Variants in BAD observed in about 807,000 individuals in gnomAD.
The protein encoded by BAD is bcl2-associated agonist of cell death.
BAD carries 18 observed loss-of-function variants against 17.8 expected under a neutral mutation model. The ratio of observed to expected loss-of-function variants is 1.01; its 90% CI spans 0.70 to 1.50. BAD has a LOEUF of 1.50. Among genes scored for constraint, BAD ranks in the 40% most tolerant of loss-of-function variants. BAD has a pLI of 0.00. For missense variants in BAD, 294 were observed against 239.3 expected (o/e 1.23, Z -1.51); for synonymous variants, 112 against 91.5 (o/e 1.22, Z -1.28).
intron 2 of BAD, among the ~76,000 whole-genome samples, chr11:64,282,889 A>G (rs1358807811): frequency 6.7e-6 from 1 of 149,624 alleles, no homozygotes; most frequent in East Asian, 1.9e-4. Context: ...AGGAAAAAAA[A>G]AAAAAAAAAA....
intron 2 of BAD, among the ~76,000 whole-genome samples, chr11:64,279,034 G>A (rs1330538773): frequency 6.6e-6 from 1 of 152,114 alleles, no homozygotes; most frequent in Non-Finnish European, 1.5e-5. Flanking sequence ...AGCTGGGGCT[G>A]GGGGGAGGTG....
chr11:64,284,673 C>G, upstream of BAD: 1 of 1,535,406 alleles, frequency 6.5e-7, no homozygotes, highest in Middle Eastern at 1.7e-4. Flanking sequence ...CCTGCCGCCT[C>G]CCTCCAGCAC....
chr11:64,282,617 G>A (rs898264985), intron 2 of BAD, among the ~76,000 whole-genome samples: 2 of 152,090 alleles, frequency 1.3e-5, no homozygotes, highest in African/African-American at 2.4e-5. Flanking sequence ...GGTGGCTCAC[G>A]CCTGTAATCC....
chr11:64,277,147 G>C lies in BAD; in HGVS notation c.188-5344C>G, dbSNP rs2033129393. 6.6e-6 allele frequency: 4 copies of C among 606,178 alleles called. No individual in the cohort carries two copies. The Admixed American group carries it at 1.0e-4, about 16-fold the overall frequency. The allele number at this position is 606,178 out of a possible 1,614,324, so 37.5% of individuals were successfully genotyped here. On this transcript the variant is annotated intron_variant, in intron 2 of 3. Coordinates refer to ENST00000309032, the MANE Select transcript of BAD (RefSeq NM_032989.3). ...GTGGTGTTCCAGACCGTTTGGAGCA[G>C]TGAAGCTCTGCCATCAGGCAAGGGC...
At chr11:64,283,991 G>A (rs2033660922) in intron 2 of BAD, among the ~76,000 whole-genome samples, 191 bp downstream of exon 2, 1 of 152,182 alleles carries the variant, frequency 6.6e-6, no homozygotes, top group South Asian at 2.1e-4. Context: ...CATCCTATAT[G>A]TTCCTGCTAA....
rs774938608 is a variant in BAD at position 64,270,353 on chromosome 11, AAGGGTTACATG to A, written c.379-27_379-17del. 5.9e-5 allele frequency: 91 copies of A among 1,537,580 alleles called. No homozygotes were observed. The African/African-American group carries it at 1.2e-3, about 19-fold the overall frequency. On this transcript the variant is annotated splice_polypyrimidine_tract_variant and intron_variant, in intron 3 of 3. Coordinates refer to ENST00000309032, the MANE Select transcript of BAD (RefSeq NM_032989.3). ...GAAGTCCCTTCTGGTGGAGGGAGAAAAGGGTTACATGAGTTAGATTACCATGGCAGCTCGAG... is the reference window on the plus strand; with the variant it reads ...GAAGTCCCTTCTGGTGGAGGGAGAAAAGTTAGATTACCATGGCAGCTCGAG...
At chr11:64,284,059 TG>T in intron 2 of BAD, 122 bp downstream of exon 2, 2 of 1,193,100 alleles carry the variant, frequency 1.7e-6, no homozygotes, top group Non-Finnish European at 2.3e-6. Context: ...AAGAGGAAAC[TG>T]GGGCTCTGAG....
chr11:64,280,619 G>C (rs574905256), intron 2 of BAD, among the ~76,000 whole-genome samples: 1 of 150,786 alleles, frequency 6.6e-6, no homozygotes, highest in East Asian at 2.0e-4. Context: ...CCAAAGTGCT[G>C]GGATTACAGG....
At chr11:64,273,265 C>G (rs1295750057) in intron 2 of BAD, among the ~76,000 whole-genome samples, 3 of 151,960 alleles carry the variant, frequency 2.0e-5, no homozygotes, top group African/African-American at 4.8e-5. Flanking sequence ...CCCAGCCACT[C>G]AGGAGGCTGA....
rs543649705 is a variant in BAD at position 64,274,115 on chromosome 11, G to A, written c.188-2312C>T. Among the ~76,000 whole-genome samples the A allele has an allele frequency of 2.9e-3, 435 of 152,296 alleles. 2 individuals carry two copies. The highest frequency in any genetic ancestry group is 9.4e-3 in the African/African-American group (389 of 41,560). ...TGACTAAGAAAGCAAGTAGGTGGCC[G>A]GGTGCGGTGGCTTACGCCTTTAATC... is the stretch of plus-strand genomic sequence containing the variant. On this transcript the variant is annotated intron_variant, in intron 2 of 3. Transcript: ENST00000309032.
intron 2 of BAD, among the ~76,000 whole-genome samples, chr11:64,283,203 G>A (rs1404757376): frequency 1.3e-5 from 2 of 152,228 alleles, no homozygotes; most frequent in East Asian, 1.9e-4. Context: ...GGTCTTTTAA[G>A]CTGCAGTGCC....
At position 64,284,215 on chromosome 11, in the gene BAD, G is replaced by C. The variant is rs752030848; in HGVS notation, c.154C>G (p.Gln52Glu). ...PGLLWDASHQ[Q>E]EQPTSSSHHG... Reference sequence around the variant, plus strand: ...TGGCTGCTGCTGGTTGGCTGCTCCTGCTGGTGACTGGCGTCCCACAGGAGG... The same window carrying C: ...TGGCTGCTGCTGGTTGGCTGCTCCTCCTGGTGACTGGCGTCCCACAGGAGG... The change falls in exon 2 of 4, where the codon CAG becomes GAG. Residue 52 changes from glutamine to glutamate, a missense_variant. By Grantham distance (29) the Gln-to-Glu change is conservative. Transcript: ENST00000309032. The C allele has an allele frequency of 1.9e-6, 3 of 1,604,390 alleles. No individual in the cohort carries two copies. The highest frequency in any genetic ancestry group is 2.2e-5 in the South Asian group (2 of 90,912).
intron 2 of BAD, among the ~76,000 whole-genome samples, chr11:64,283,453 A>C (rs1285099036): frequency 1.3e-5 from 2 of 152,242 alleles, no homozygotes; most frequent in Non-Finnish European, 2.9e-5. Flanking sequence ...ATAGAACCCC[A>C]GTGTCCATCC....
Position 64,284,302 on chromosome 11 carries a change from C to G in BAD, c.67G>C (p.Gly23Arg). 3 of 1,612,206 alleles carry G rather than the reference C, an allele frequency of 1.9e-6. No individual in the cohort carries two copies. Among genetic ancestry groups the G allele is most frequent in the South Asian group, 2.2e-5 (2 of 91,084 alleles). ...EDSSSAERGLGPSPAGDGPSG... is the reference protein window; with the variant it reads ...EDSSSAERGLRPSPAGDGPSG... ...GGCCCGTCCCCTGCGGGGCTGGGGC[C>G]CAGGCCCCTCTCTGCAGAGCTGGAG... Residue 23 changes from glycine (G) to arginine (R), a missense_variant, in exon 2 of 4, where the codon GGC becomes CGC. Gly to Arg is a moderately radical substitution (Grantham distance 125, BLOSUM62 -2). Coordinates refer to ENST00000309032, the MANE Select transcript of BAD (RefSeq NM_032989.3).
chr11:64,271,826 G>C, intron 2 of BAD, 23 bp from the exon 3 acceptor site: 1 of 1,370,276 alleles, frequency 7.3e-7, no homozygotes, highest in Non-Finnish European at 9.4e-7. Context: ...AGTGGGTAGG[G>C]GGGCGACGTT....
At chr11:64,274,790 C>T (rs2032928066) in intron 2 of BAD, among the ~76,000 whole-genome samples, 1 of 151,706 alleles carries the variant, frequency 6.6e-6, no homozygotes, top group African/African-American at 2.4e-5. Flanking sequence ...CACTGCACTC[C>T]AGCCTGGGTG....
At position 64,271,610 on chromosome 11, in the gene BAD, C is replaced by T; in HGVS notation, c.378+3G>A. On this transcript the variant is annotated splice_donor_region_variant and intron_variant, in intron 3 of 3. Transcript: ENST00000309032. Reference sequence around the variant, plus strand: ...TCCTGGCACGCTGGGGACTGGCGCTCACCTTAAAGGAGTCCACAAACTCGT... The same window carrying T: ...TCCTGGCACGCTGGGGACTGGCGCTTACCTTAAAGGAGTCCACAAACTCGT... The T allele has an allele frequency of 2.8e-6, 4 of 1,440,040 alleles. No individual in the cohort carries two copies. The highest frequency in any genetic ancestry group is 3.7e-6 in the Non-Finnish European group (4 of 1,092,334). 89.2% of individuals were successfully genotyped at this position (1,440,040 alleles called of 1,614,324 possible). A position where few individuals can be genotyped will look rare whatever the true frequency, so the allele number is the denominator to read the frequency against.
At chr11:64,274,601 T>C (rs916931873) in intron 2 of BAD, among the ~76,000 whole-genome samples, 3 of 151,926 alleles carry the variant, frequency 2.0e-5, no homozygotes, top group African/African-American at 7.3e-5. Flanking sequence ...GGCAGGTGGA[T>C]CACGAGGTCA....
chr11:64,284,461 C>T, intron 1 of BAD, 85 bp from the exon 2 acceptor site: 2 of 1,598,002 alleles, frequency 1.3e-6, no homozygotes, highest in East Asian at 2.2e-5. Flanking sequence ...CCCTGGCTTC[C>T]TCTCCCACCG....
Sources: gnomAD v4.1 joint callset for allele counts (sites outside exome capture counted in the v4.1 genomes callset) on GRCh38, gnomAD v4.1.1 for gene constraint, MANE v1.5 for transcripts, NCBI Gene and HGNC (gene_info 2026-07-23, HGNC 2026-07-21) for gene names.